LRRTM4: variants seen among roughly 807,000 people sequenced by gnomAD.
LRRTM4 encodes the protein leucine-rich repeat transmembrane neuronal protein 4.
A neutral mutation model predicts 47.6 loss-of-function variants in LRRTM4; 25 were observed. The observed-to-expected ratio is 0.53, with a 90% CI of 0.38 to 0.73. The LOEUF (loss-of-function observed/expected upper bound fraction) is 0.73, where lower values mean the gene tolerates loss of function less well. Ranked by LOEUF, LRRTM4 falls within the 30% of genes least tolerant of loss-of-function variation. The pLI is 0.00. For synonymous variants in LRRTM4, 311 were observed against 269.5 expected, an observed-to-expected ratio of 1.15 and a Z score of -1.51; for missense variants, 638 against 713.4, an observed-to-expected ratio of 0.89 and a Z score of 1.20.
intron 3 of LRRTM4, among the ~76,000 whole-genome samples, chr2:76,906,177 C>G (rs1444241263): frequency 1.3e-5 from 2 of 152,088 alleles, no homozygotes; most frequent in African/African-American, 2.4e-5. Flanking sequence ...TCAGAAGAGA[C>G]TGGGGGCCAA....
chr2:76,854,713 A>T (rs1672096646), intron 3 of LRRTM4, among the ~76,000 whole-genome samples: 1 of 152,124 alleles, frequency 6.6e-6, no homozygotes, highest in East Asian at 1.9e-4. Context: ...GTCGCTACTT[A>T]CTTATTTTTA....
At chr2:77,354,901 C>G (rs2104303085) in intron 3 of LRRTM4, among the ~76,000 whole-genome samples, 1 of 152,228 alleles carries the variant, frequency 6.6e-6, no homozygotes, top group African/African-American at 2.4e-5. Flanking sequence ...CTCTGTCCCT[C>G]ATTGGTTAAG....
intron 3 of LRRTM4, among the ~76,000 whole-genome samples, chr2:76,835,185 A>G (rs1053682865): frequency 1.3e-5 from 2 of 152,140 alleles, no homozygotes; most frequent in Non-Finnish European, 2.9e-5. Context: ...TCTTTAAAGT[A>G]TAATGAATAA....
intron 3 of LRRTM4, among the ~76,000 whole-genome samples, chr2:77,388,543 G>A (rs1358196229): frequency 6.6e-6 from 1 of 151,922 alleles, no homozygotes; most frequent in African/African-American, 2.4e-5. Context: ...AAGTGTTTTT[G>A]AAATTTATAA....
chr2:77,063,596 A>C (rs56259231), intron 3 of LRRTM4, among the ~76,000 whole-genome samples: 23,177 of 152,138 alleles, frequency 0.15, 1,833 homozygotes, highest in East Asian at 0.23. Context: ...AAGTCTTTAA[A>C]ATATGTTATT....
chr2:77,312,703 C>G (rs1677491235), intron 3 of LRRTM4, among the ~76,000 whole-genome samples: 1 of 152,058 alleles, frequency 6.6e-6, no homozygotes, highest in East Asian at 1.9e-4. Context: ...TTCCTAAAAT[C>G]TTTTCTAACT....
intron 3 of LRRTM4, among the ~76,000 whole-genome samples, chr2:77,306,614 G>A (rs183250206): frequency 9.2e-5 from 14 of 152,186 alleles, no homozygotes; most frequent in Admixed American, 2.6e-4. Context: ...ACCAATTAGT[G>A]ATAAAGTCAT....
At chr2:76,765,407 A>G (rs946528294) in intron 3 of LRRTM4, among the ~76,000 whole-genome samples, 1 of 152,194 alleles carries the variant, frequency 6.6e-6, no homozygotes, top group Non-Finnish European at 1.5e-5. Context: ...ATGCAAACAG[A>G]ACGTAAAGTT....
intron 3 of LRRTM4, 156 bp downstream of exon 3, chr2:77,518,162 G>A (rs1679296439): frequency 6.3e-6 from 8 of 1,274,848 alleles, no homozygotes; most frequent in Non-Finnish European, 6.9e-6. Flanking sequence ...ATTTCCTGGT[G>A]GTTGTAATTT....
intron 3 of LRRTM4, among the ~76,000 whole-genome samples, chr2:77,167,901 GTAATATAC>G (rs1672933647): frequency 6.6e-6 from 1 of 152,054 alleles, no homozygotes; most frequent in Non-Finnish European, 1.5e-5. Flanking sequence ...GTATACATAT[GTAATATAC>G]CTGTACGTTG....
intron 3 of LRRTM4, among the ~76,000 whole-genome samples, chr2:77,379,084 A>G (rs1672948939): frequency 6.6e-6 from 1 of 152,002 alleles, no homozygotes; most frequent in African/African-American, 2.4e-5. Flanking sequence ...TTCTGTTTCA[A>G]TGATTGTACT....
At chr2:76,795,730 G>T (rs1675263875) in intron 3 of LRRTM4, among the ~76,000 whole-genome samples, 1 of 152,018 alleles carries the variant, frequency 6.6e-6, no homozygotes, top group Non-Finnish European at 1.5e-5. Flanking sequence ...GTTTCCTTTG[G>T]ATACTCATTT....
chr2:77,242,751 T>C (rs2103993633), intron 3 of LRRTM4, among the ~76,000 whole-genome samples: 1 of 152,044 alleles, frequency 6.6e-6, no homozygotes, highest in South Asian at 2.1e-4. Flanking sequence ...TGTGGAGAAA[T>C]TAGAACCCCT....
intron 3 of LRRTM4, among the ~76,000 whole-genome samples, chr2:76,913,660 C>G (rs1003876737): frequency 6.6e-6 from 1 of 150,646 alleles, no homozygotes. Context: ...GTACCTCAGC[C>G]TCCCGAGTAG....
chr2:77,511,252 G>C (rs1193697222), intron 3 of LRRTM4, among the ~76,000 whole-genome samples: 1 of 152,006 alleles, frequency 6.6e-6, no homozygotes, highest in African/African-American at 2.4e-5. Flanking sequence ...GGATAAGTTA[G>C]TACAGAACTG....
chr2:77,294,482 T>C (rs1676914980), intron 3 of LRRTM4, among the ~76,000 whole-genome samples: 1 of 152,138 alleles, frequency 6.6e-6, no homozygotes, highest in Non-Finnish European at 1.5e-5. Flanking sequence ...TGCAACCGTT[T>C]TGTGTTTGAC....
intron 3 of LRRTM4, among the ~76,000 whole-genome samples, chr2:76,761,483 T>C (rs141603290): frequency 6.6e-6 from 1 of 152,338 alleles, no homozygotes; most frequent in East Asian, 1.9e-4. Flanking sequence ...ATTATACACA[T>C]GTTTTCTAAA....
intron 3 of LRRTM4, among the ~76,000 whole-genome samples, chr2:76,906,733 A>G (rs1212700899): frequency 7.9e-5 from 12 of 151,750 alleles, no homozygotes; most frequent in Non-Finnish European, 1.8e-4. Context: ...ACCAACAAAG[A>G]TCAAAAGAGA....
At chr2:77,181,995 T>C (rs1419562054) in intron 3 of LRRTM4, among the ~76,000 whole-genome samples, 1 of 152,142 alleles carries the variant, frequency 6.6e-6, no homozygotes, top group Non-Finnish European at 1.5e-5. Flanking sequence ...AGTTCAACAG[T>C]TGTGGAAGAC....
Sources: allele counts gnomAD v4.1 joint callset (sites outside exome capture counted in the v4.1 genomes callset), GRCh38; gene constraint gnomAD v4.1.1; transcripts MANE v1.5; gene names NCBI Gene and HGNC (gene_info 2026-07-23, HGNC 2026-07-21).